PPP1R16B: variants seen among roughly 807,000 people sequenced by gnomAD.
PPP1R16B encodes protein phosphatase 1 regulatory inhibitor subunit 16B.
PPP1R16B carries 14 observed loss-of-function variants against 61.7 expected under a neutral mutation model. The ratio of observed to expected loss-of-function variants is 0.23; its 90% CI spans 0.15 to 0.35. The LOEUF (loss-of-function observed/expected upper bound fraction) is 0.35, where lower values mean the gene tolerates loss of function less well. Among genes scored for constraint, PPP1R16B ranks in the 10% least tolerant of loss-of-function variants. The pLI, the probability that PPP1R16B is intolerant of heterozygous loss-of-function variation, is 1.00. For synonymous variants in PPP1R16B, 266 were observed against 305.3 expected (o/e 0.87, Z 1.34); for missense variants, 547 against 752.5 (o/e 0.73, Z 3.19).
At chr20:38,816,506 A>C (rs1443560167) in intron 1 of PPP1R16B, among the ~76,000 whole-genome samples, 4 of 152,204 alleles carry the variant, frequency 2.6e-5, no homozygotes, top group Non-Finnish European at 5.9e-5. Context: ...TGTATTGTAA[A>C]GGGACCTCCT....
chr20:38,869,026 C>T (rs2085108433), intron 2 of PPP1R16B, among the ~76,000 whole-genome samples: 1 of 152,104 alleles, frequency 6.6e-6, no homozygotes, highest in South Asian at 2.1e-4. Flanking sequence ...CCCTGTGTCC[C>T]TTCCCAGTCA....
intron 1 of PPP1R16B, among the ~76,000 whole-genome samples, chr20:38,833,574 A>G (rs1190969616): frequency 6.6e-6 from 1 of 152,220 alleles, no homozygotes; most frequent in Non-Finnish European, 1.5e-5. Context: ...TGAATCTACA[A>G]TGATCTAAAA....
At chr20:38,874,352 C>G (rs1361701528) in intron 2 of PPP1R16B, among the ~76,000 whole-genome samples, 1 of 152,176 alleles carries the variant, frequency 6.6e-6, no homozygotes, top group African/African-American at 2.4e-5. Context: ...AGTAGCTAAA[C>G]ACTTTACTCA....
chr20:38,834,077 A>G (rs2084854066), intron 1 of PPP1R16B, among the ~76,000 whole-genome samples: 1 of 152,252 alleles, frequency 6.6e-6, no homozygotes, highest in African/African-American at 2.4e-5. Flanking sequence ...CTGCTGGTTC[A>G]CAAACATGCT....
intron 1 of PPP1R16B, among the ~76,000 whole-genome samples, chr20:38,825,768 G>A (rs924999809): frequency 6.6e-6 from 1 of 152,120 alleles, no homozygotes; most frequent in Non-Finnish European, 1.5e-5. Context: ...CAAAGTGCTG[G>A]GATTACAGGC....
chr20:38,896,489 TTTC>T (rs2085350527), intron 4 of PPP1R16B, among the ~76,000 whole-genome samples: 3 of 151,834 alleles, frequency 2.0e-5, no homozygotes, highest in Admixed American at 2.0e-4. Context: ...GTTCTGCTCT[TTTC>T]TTCTTCTATC....
intron 5 of PPP1R16B, among the ~76,000 whole-genome samples, chr20:38,901,654 C>T (rs926555859): frequency 6.6e-6 from 1 of 152,210 alleles, no homozygotes; most frequent in Non-Finnish European, 1.5e-5. Context: ...AGGTGATCTG[C>T]CTGCCTCAGC....
chr20:38,883,597 T>C (rs2085219385), intron 2 of PPP1R16B, among the ~76,000 whole-genome samples: 1 of 152,110 alleles, frequency 6.6e-6, no homozygotes. Flanking sequence ...CCTGCCTGTG[T>C]AGGGGGTGGC....
At position 38,920,564 on chromosome 20, in the gene PPP1R16B, C is replaced by A; in HGVS notation, c.*1898C>A. 1 of 153,224 alleles carries A rather than the reference C, an allele frequency of 6.5e-6. No homozygotes were observed. The allele number at this position is 153,224 out of a possible 1,614,324, so 9.5% of individuals were successfully genotyped here. A position where few individuals can be genotyped will look rare whatever the true frequency, so the allele number is the denominator to read the frequency against. ...CCCATAACCCAGAGAGGGAGCTGGA[C>A]TTCAGGGAGCCTGAGTGATGCTTTC... On this transcript the variant is annotated 3_prime_UTR_variant, in exon 11 of 11. Coordinates refer to ENST00000299824, the MANE Select transcript of PPP1R16B (RefSeq NM_015568.4).
chr20:38,883,868 A>T (rs2085221888), intron 2 of PPP1R16B, among the ~76,000 whole-genome samples: 1 of 152,206 alleles, frequency 6.6e-6, no homozygotes, highest in East Asian at 1.9e-4. Context: ...GCCATGAGGG[A>T]GCACTGTTGT....
intron 1 of PPP1R16B, among the ~76,000 whole-genome samples, chr20:38,820,417 G>T (rs1245114610): frequency 6.6e-6 from 1 of 152,114 alleles, no homozygotes; most frequent in Non-Finnish European, 1.5e-5. Context: ...AATTAGCCGG[G>T]TGTGGTGGCA....
intron 7 of PPP1R16B, among the ~76,000 whole-genome samples, chr20:38,906,471 T>C (rs535147458): frequency 6.6e-6 from 1 of 152,000 alleles, no homozygotes; most frequent in South Asian, 2.1e-4. Context: ...TTTTTTGTAT[T>C]TTTAGTAGAG....
In PPP1R16B at chr20:38,895,990, C is replaced by T. The variant is rs1255691382; in HGVS notation, c.467+280C>T. Among the ~76,000 whole-genome samples the T allele has an allele frequency of 6.9e-4, 77 of 111,236 alleles. 11 individuals are homozygous for T. Among genetic ancestry groups the T allele is most frequent in the African/African-American group, 3.5e-3 (72 of 20,518 alleles). The allele number at this position is 111,236 out of a possible 152,430, so 73.0% of individuals were successfully genotyped here. On this transcript the variant is annotated intron_variant, in intron 4 of 10. Transcript: ENST00000299824. ...TTCTTCCCTCCCTCCCTCCTTCCTT[C>T]TTTCTCTCCTCCCTTCCCCCCTTCC... is the stretch of plus-strand genomic sequence containing the variant.
intron 2 of PPP1R16B, among the ~76,000 whole-genome samples, chr20:38,881,294 G>A (rs565806883): frequency 6.6e-6 from 1 of 152,348 alleles, no homozygotes; most frequent in Non-Finnish European, 1.5e-5. Flanking sequence ...TGGGTGGAAA[G>A]GTTTCAATTG....
At chr20:38,824,622 C>A (rs570626003) in intron 1 of PPP1R16B, among the ~76,000 whole-genome samples, 1 of 152,338 alleles carries the variant, frequency 6.6e-6, no homozygotes, top group Admixed American at 6.5e-5. Flanking sequence ...ATTCTTTTGT[C>A]CCCCAGGGTA....
At chr20:38,842,298 T>C (rs1309514842) in intron 2 of PPP1R16B, among the ~76,000 whole-genome samples, 2 of 152,242 alleles carry the variant, frequency 1.3e-5, no homozygotes, top group Admixed American at 6.5e-5. Context: ...TGCTGGCATC[T>C]TGGGCCCTTT....
chr20:38,830,951 G>T (rs974388861), intron 1 of PPP1R16B, among the ~76,000 whole-genome samples: 8 of 152,160 alleles, frequency 5.3e-5, no homozygotes, highest in African/African-American at 1.9e-4. Context: ...TCCACTCAGA[G>T]GTGATCAGTC....
chr20:38,902,706 C>G lies in PPP1R16B; in HGVS notation c.610C>G (p.Pro204Ala), dbSNP rs576467222. 2.4e-5 allele frequency: 39 copies of G among 1,614,120 alleles called. No individual in the cohort carries two copies. Among genetic ancestry groups the G allele is most frequent in the Non-Finnish European group, 3.2e-5 (38 of 1,180,050 alleles). ...QEKINEMRVA[P>A]EQQMIADIHC... ...GAAAATCAACGAGATGCGGGTGGCT[C>G]CTGAGCAGCAGATGATTGCGGACAT... The change falls in exon 6 of 11, where the codon CCT (proline) becomes GCT (alanine). Residue 204 changes from proline to alanine, a missense_variant. Pro to Ala is a conservative substitution (Grantham distance 27). Transcript: ENST00000299824.
rs1421630060 is a variant in PPP1R16B at position 38,921,757 on chromosome 20, T to G, written c.*3091T>G. On this transcript the variant is annotated 3_prime_UTR_variant, in exon 11 of 11. Coordinates refer to ENST00000299824, the MANE Select transcript of PPP1R16B (RefSeq NM_015568.4). ...TTTGCTGCCAAATGCATCTCAGGTT[T>G]TTAAAGTCATTGTTTCTTGCTCATG... The G allele has an allele frequency of 6.6e-6, 1 of 152,230 alleles. No homozygotes were observed. Among genetic ancestry groups the G allele is most frequent in the African/African-American group, 2.4e-5 (1 of 41,448 alleles). 9.4% of individuals were successfully genotyped at this position (152,230 alleles called of 1,614,324 possible).
Sources: allele counts gnomAD v4.1 joint callset (sites outside exome capture counted in the v4.1 genomes callset), GRCh38; gene constraint gnomAD v4.1.1; transcripts MANE v1.5; gene names NCBI Gene and HGNC (gene_info 2026-07-23, HGNC 2026-07-21).